Variants in ANK2 observed in about 807,000 individuals in gnomAD.
ANK2 encodes ankyrin 2, also known as ankyrin-2.
ANK2 carries 83 observed loss-of-function variants against 360.5 expected under a neutral mutation model. The observed-to-expected ratio is 0.23, with a 90% CI of 0.19 to 0.28. ANK2 has a LOEUF of 0.28. Ranked by LOEUF, ANK2 falls within the 10% of genes least tolerant of loss-of-function variation. The pLI is 1.00. For missense variants in ANK2, 4,201 were observed against 4,795.7 expected (o/e 0.88, Z 3.66); for synonymous variants, 1,740 against 1,759.5 (o/e 0.99, Z 0.28).
chr4:113,020,598 T>G (rs2057793571), intron 2 of ANK2, among the ~76,000 whole-genome samples: 1 of 151,892 alleles, frequency 6.6e-6, no homozygotes, highest in Non-Finnish European at 1.5e-5. Flanking sequence ...GAGACCGAGG[T>G]GGGTGGATCT....
chr4:113,288,143 T>G (rs1358985581), intron 19 of ANK2, among the ~76,000 whole-genome samples: 1 of 152,216 alleles, frequency 6.6e-6, no homozygotes, highest in Non-Finnish European at 1.5e-5. Context: ...TTTGCTGTTT[T>G]CAGATATTAT....
At chr4:113,318,383 A>C in intron 25 of ANK2, 134 bp from the exon 26 acceptor site, 1 of 699,124 alleles carries the variant, frequency 1.4e-6, no homozygotes, top group Non-Finnish European at 2.6e-6. Context: ...TTGTAAATAC[A>C]TTGGTTTTAT....
intron 22 of ANK2, among the ~76,000 whole-genome samples, chr4:113,296,799 C>CT (rs1165390334): frequency 6.6e-6 from 1 of 152,108 alleles, no homozygotes; most frequent in Admixed American, 6.5e-5. Context: ...GCCCAATCCA[C>CT]TAATGCAGCT....
chr4:112,838,075 A>G (rs752673069), intron 1 of ANK2, among the ~76,000 whole-genome samples: 1 of 152,140 alleles, frequency 6.6e-6, no homozygotes, highest in Non-Finnish European at 1.5e-5. Context: ...CTTGAATTGT[A>G]GTCCCCACAT....
intron 32 of ANK2, among the ~76,000 whole-genome samples, chr4:113,340,730 C>G (rs1020954524): frequency 4.0e-5 from 4 of 100,004 alleles, no homozygotes; most frequent in Admixed American, 2.7e-4. Context: ...AAACAAAAAA[C>G]AAACAAACAA....
At chr4:112,796,531 A>G in the ANK2 span, among the ~76,000 whole-genome samples, 1 of 151,864 alleles carries the variant, frequency 6.6e-6, no homozygotes, top group East Asian at 1.9e-4. Flanking sequence ...TTTAACTTAA[A>G]TAGAGACGGG....
intron 2 of ANK2, among the ~76,000 whole-genome samples, chr4:113,029,371 A>G (rs534613842): frequency 3.0e-4 from 46 of 152,160 alleles, no homozygotes; most frequent in African/African-American, 1.1e-3. Context: ...AGTAGCTGGA[A>G]CTATAGGCAC....
the ANK2 span, among the ~76,000 whole-genome samples, chr4:112,770,203 G>C: frequency 6.6e-6 from 1 of 152,150 alleles, no homozygotes; most frequent in South Asian, 2.1e-4. Flanking sequence ...TTTAGTTTCT[G>C]TATGAGCCCT....
At chr4:112,734,568 C>T in the ANK2 span, among the ~76,000 whole-genome samples, 1 of 152,272 alleles carries the variant, frequency 6.6e-6, no homozygotes, top group South Asian at 2.1e-4. Context: ...TAGCTGGAAT[C>T]CCCATGTTGG....
Position 113,341,742 on chromosome 4 carries a change from A to C in ANK2, c.3948A>C (p.Gln1316His), listed in dbSNP as rs755373114. Residue 1316 changes from glutamine to histidine, a missense_variant, in exon 33 of 46, where the codon CAA (glutamine) becomes CAC (histidine). Gln to His is a conservative substitution (Grantham distance 24). Around this residue, in one of 4 missense-constraint regions of ANK2, gnomAD observed 1,268 missense variants for 1,650.8 expected, o/e 0.77. Coordinates refer to ENST00000357077, the MANE Select transcript of ANK2 (RefSeq NM_001148.6). ...AGGAATCCGTTACTTTTGCATCACA[A>C]GTATACAGAGAAATTATCTGCGTAC... ...QIQESVTFASQVYREIICVPY... is the reference protein window; with the variant it reads ...QIQESVTFASHVYREIICVPY... 9.9e-6 allele frequency: 16 copies of C among 1,614,158 alleles called. No homozygotes were observed. In the East Asian group the frequency reaches 3.6e-4, roughly 36 times the overall value.
At chr4:112,957,163 C>T (rs2095378574) in intron 2 of ANK2, among the ~76,000 whole-genome samples, 1 of 151,264 alleles carries the variant, frequency 6.6e-6, no homozygotes, top group South Asian at 2.1e-4. Context: ...ACCCTGCGGC[C>T]TTCCGCAGTG....
chr4:113,064,260 A>G (rs189434342), intron 1 of ANK2, among the ~76,000 whole-genome samples: 63 of 152,306 alleles, frequency 4.1e-4, no homozygotes, highest in Non-Finnish European at 7.1e-4. Flanking sequence ...CAAGTTTAAT[A>G]GCAGAAAAAG....
chr4:112,774,397 G>T, the ANK2 span, among the ~76,000 whole-genome samples: 1 of 152,068 alleles, frequency 6.6e-6, no homozygotes, highest in African/African-American at 2.4e-5. Context: ...GTAGTGGCAG[G>T]TGTCTGTAGT....
intron 1 of ANK2, among the ~76,000 whole-genome samples, chr4:112,893,138 C>T (rs1276754280): frequency 2.6e-5 from 4 of 152,042 alleles, no homozygotes; most frequent in African/African-American, 4.8e-5. Flanking sequence ...ACGAAGATAA[C>T]ACTACTTTAT....
chr4:113,275,568 A>G (rs1011993364), intron 15 of ANK2, among the ~76,000 whole-genome samples: 7 of 152,190 alleles, frequency 4.6e-5, no homozygotes, highest in African/African-American at 1.4e-4. Context: ...TCTTGTAAGT[A>G]GGAGCAGCCC....
intron 17 of ANK2, among the ~76,000 whole-genome samples, chr4:113,279,968 A>G (rs898515118): frequency 6.6e-6 from 1 of 152,080 alleles, no homozygotes; most frequent in Non-Finnish European, 1.5e-5. Flanking sequence ...TTGCATATCT[A>G]TGAGGTGTTT....
the ANK2 span, among the ~76,000 whole-genome samples, chr4:112,770,669 G>T: frequency 1.3e-5 from 2 of 150,132 alleles, no homozygotes; most frequent in African/African-American, 4.9e-5. Context: ...TTGTGCTATT[G>T]TACTCCAGCC....
chr4:113,345,882 A>G lies in ANK2; in HGVS notation c.4249-18A>G, dbSNP rs1563933370. 1 of 1,613,158 alleles carries G rather than the reference A, an allele frequency of 6.2e-7. No homozygotes were observed. The highest frequency in any genetic ancestry group is 2.2e-5 in the East Asian group (1 of 44,838). Reference sequence around the variant, plus strand: ...CAAATCAAATGTGGGTGAAGCATGTATGTCTTTCTTGTTCAAGGTACGCGA... The same window carrying G: ...CAAATCAAATGTGGGTGAAGCATGTGTGTCTTTCTTGTTCAAGGTACGCGA... On this transcript the variant is annotated intron_variant, in intron 34 of 45. Coordinates refer to ENST00000357077, the MANE Select transcript of ANK2 (RefSeq NM_001148.6).
At chr4:113,033,699 C>G (rs1015778436) in intron 2 of ANK2, 1 of 151,684 alleles carries the variant, frequency 6.6e-6, no homozygotes, top group Non-Finnish European at 1.5e-5. Context: ...ATGAAGAATC[C>G]CATCCATGTA....
Sources: gnomAD v4.1 joint callset for allele counts (sites outside exome capture counted in the v4.1 genomes callset) on GRCh38, gnomAD v4.1.1 for gene constraint, gnomAD v4.1.1 regional missense constraint, MANE v1.5 for transcripts, NCBI Gene and HGNC (gene_info 2026-07-23, HGNC 2026-07-21) for gene names.